BLTP1: variants seen among roughly 807,000 people sequenced by gnomAD.
BLTP1 encodes bridge-like lipid transfer protein family member 1, also known as fragile site-associated protein.
chr4:122,238,074 C>T, the BLTP1 span: 2 of 1,610,344 alleles, frequency 1.2e-6, no homozygotes, highest in Non-Finnish European at 1.7e-6. Flanking sequence ...TCACTTAACC[C>T]ACCTTTTGTT....
chr4:122,229,052 A>T, the BLTP1 span: 6 of 1,313,558 alleles, frequency 4.6e-6, no homozygotes, highest in Non-Finnish European at 6.1e-6. Flanking sequence ...TATTTAAAGA[A>T]GATGACTTAA....
chr4:122,284,593 C>CTTACATATTTATGTA, the BLTP1 span, among the ~76,000 whole-genome samples: 4,307 of 152,084 alleles, frequency 0.028, 138 homozygotes, highest in African/African-American at 0.08. Context: ...TATGTGTATA[C>CTTACATATTTATGTA]AGTAGTCCCT....
chr4:122,261,070 A>G, the BLTP1 span, among the ~76,000 whole-genome samples: 11 of 152,190 alleles, frequency 7.2e-5, no homozygotes, highest in Non-Finnish European at 1.5e-4. Flanking sequence ...GGGATCCAGT[A>G]TATTGGAACA....
the BLTP1 span, chr4:122,220,475 G>T: frequency 6.2e-7 from 1 of 1,604,866 alleles, no homozygotes. Context: ...TATCAGGTAA[G>T]GTGAAAATGA....
At chr4:122,170,824 T>C in the BLTP1 span, 1 of 884,512 alleles carries the variant, frequency 1.1e-6, no homozygotes, top group Non-Finnish European at 1.7e-6. Flanking sequence ...AGTGGTTGAC[T>C]GAAGTTGGAA....
the BLTP1 span, chr4:122,205,817 C>T: frequency 1.4e-5 from 3 of 219,036 alleles, no homozygotes; most frequent in Non-Finnish European, 2.3e-5. Context: ...CACACACACA[C>T]GTTCTAATTT....
the BLTP1 span, chr4:122,229,022 A>G: frequency 4.0e-6 from 4 of 1,002,388 alleles, no homozygotes; most frequent in Non-Finnish European, 5.6e-6. Flanking sequence ...AAATACATCA[A>G]TAACTAGATT....
the BLTP1 span, chr4:122,162,510 T>G: frequency 1.0e-6 from 1 of 985,384 alleles, no homozygotes; most frequent in South Asian, 4.7e-5. Flanking sequence ...ATCAACCAGT[T>G]CTTTCCAACT....
the BLTP1 span, chr4:122,266,809 T>C: frequency 2.5e-6 from 4 of 1,608,900 alleles, no homozygotes; most frequent in Non-Finnish European, 3.4e-6. Flanking sequence ...TTCTGAGTCA[T>C]ACAGGGATCC....
the BLTP1 span, chr4:122,238,001 ATTATAC>A: frequency 2.2e-6 from 3 of 1,348,154 alleles, no homozygotes; most frequent in South Asian, 3.4e-5. Context: ...AAAAAAAAAA[ATTATAC>A]TTAAAAATGG....
the BLTP1 span, among the ~76,000 whole-genome samples, chr4:122,259,000 T>G: frequency 2.0e-5 from 3 of 152,214 alleles, no homozygotes; most frequent in South Asian, 6.2e-4. Flanking sequence ...AAATATTTCT[T>G]TGAAAATTGT....
the BLTP1 span, chr4:122,317,997 C>T: frequency 9.6e-6 from 7 of 726,676 alleles, no homozygotes; most frequent in Non-Finnish European, 1.5e-5. Context: ...AACAGTTCGC[C>T]AAATATGAGT....
the BLTP1 span, among the ~76,000 whole-genome samples, chr4:122,219,801 T>C: frequency 1.3e-5 from 2 of 152,230 alleles, no homozygotes; most frequent in African/African-American, 4.8e-5. Context: ...CTTTGCTATA[T>C]GTGTAATGTC....
At chr4:122,219,613 C>T in the BLTP1 span, 14 of 1,384,534 alleles carry the variant, frequency 1.0e-5, no homozygotes, top group South Asian at 1.6e-4. Context: ...TTATAACATC[C>T]ACCTGTGTAT....
At chr4:122,248,383 A>G in the BLTP1 span, among the ~76,000 whole-genome samples, 13 of 152,144 alleles carry the variant, frequency 8.5e-5, no homozygotes, top group East Asian at 2.3e-3. Flanking sequence ...ACTCCCAACG[A>G]AATTCCAAGG....
chr4:122,303,810 A>G, the BLTP1 span, among the ~76,000 whole-genome samples: 6 of 152,200 alleles, frequency 3.9e-5, no homozygotes, highest in African/African-American at 1.4e-4. Context: ...CTTCTTATGA[A>G]TGAGCAAAGA....
the BLTP1 span, chr4:122,259,952 TA>T: frequency 1.1e-6 from 1 of 875,142 alleles, no homozygotes; most frequent in Non-Finnish European, 1.4e-6. Context: ...CAATATTAAA[TA>T]AAAATTTCTA....
At chr4:122,240,180 A>C in the BLTP1 span, 2 of 1,614,168 alleles carry the variant, frequency 1.2e-6, no homozygotes, top group Middle Eastern at 3.3e-4. Flanking sequence ...ACAACCCGTG[A>C]TGAATTGTTA....
At chr4:122,182,059 A>G in the BLTP1 span, among the ~76,000 whole-genome samples, 1 of 152,210 alleles carries the variant, frequency 6.6e-6, no homozygotes, top group Non-Finnish European at 1.5e-5. Flanking sequence ...ACTTAAGCCA[A>G]AAACAATTTA....
Sources: allele counts gnomAD v4.1 joint callset (sites outside exome capture counted in the v4.1 genomes callset), GRCh38; gene constraint gnomAD v4.1.1; transcripts MANE v1.5; gene names NCBI Gene and HGNC (gene_info 2026-07-23, HGNC 2026-07-21).